The following ME1 variants were observed in gnomAD, a reference collection of about 807,000 sequenced individuals.
ME1 encodes the protein malic enzyme 1.
A neutral mutation model predicts 66.4 loss-of-function variants in ME1; 74 were observed. The observed-to-expected ratio is 1.11, with a 90% CI of 0.92 to 1.35. ME1 has a LOEUF of 1.35. ME1 is among the 40% of genes most tolerant of loss of function. The pLI is 0.00. For synonymous variants in ME1, 251 were observed against 235.6 expected (o/e 1.07, Z -0.60); for missense variants, 750 against 694.1 (o/e 1.08, Z -0.90).
chr6:83,237,294 A>AG (rs1790428682), intron 9 of ME1, among the ~76,000 whole-genome samples: 1 of 104,214 alleles, frequency 9.6e-6, no homozygotes. Flanking sequence ...GAAGGAAGGA[A>AG]AGAAAGAAAA....
At chr6:83,398,775 G>A (rs902503902) in intron 2 of ME1, among the ~76,000 whole-genome samples, 1 of 152,004 alleles carries the variant, frequency 6.6e-6, no homozygotes, top group African/African-American at 2.4e-5. Flanking sequence ...TTCAAGACCA[G>A]CCTGGCCAAC....
chr6:83,418,430 T>G (rs1002712009), intron 1 of ME1, among the ~76,000 whole-genome samples: 12 of 152,082 alleles, frequency 7.9e-5, no homozygotes, highest in Non-Finnish European at 2.9e-5. Flanking sequence ...TTCAGGACAG[T>G]CAGGCAGGAG....
At chr6:83,269,801 G>A (rs145843177) in intron 6 of ME1, among the ~76,000 whole-genome samples, 1,579 of 152,204 alleles carry the variant, frequency 0.01, 27 homozygotes, top group African/African-American at 0.035. Flanking sequence ...ATTACAATGA[G>A]ATTCTAGTGC....
chr6:83,230,622 T>C (rs1447106770), intron 9 of ME1, among the ~76,000 whole-genome samples: 1 of 152,170 alleles, frequency 6.6e-6, no homozygotes, highest in African/African-American at 2.4e-5. Flanking sequence ...AGTTTTGGTA[T>C]ATTTTCTCCT....
chr6:83,341,651 T>C (rs1188669201), intron 5 of ME1, among the ~76,000 whole-genome samples: 1 of 152,142 alleles, frequency 6.6e-6, no homozygotes, highest in Non-Finnish European at 1.5e-5. Flanking sequence ...TATAAGAAGA[T>C]AACAGTAATA....
intron 6 of ME1, among the ~76,000 whole-genome samples, chr6:83,299,464 T>C (rs1457138746): frequency 6.6e-6 from 1 of 152,202 alleles, no homozygotes; most frequent in Non-Finnish European, 1.5e-5. Context: ...TCCTAAGACT[T>C]TGCTGAAGTT....
At chr6:83,360,494 T>C (rs564171391) in intron 3 of ME1, among the ~76,000 whole-genome samples, 3 of 152,140 alleles carry the variant, frequency 2.0e-5, no homozygotes, top group Admixed American at 2.0e-4. Flanking sequence ...CATTTCCCCA[T>C]TGCCAGAAAT....
chr6:83,352,006 G>T, intron 4 of ME1, 58 bp downstream of exon 4: 1 of 1,069,086 alleles, frequency 9.4e-7, no homozygotes, highest in Non-Finnish European at 1.4e-6. Context: ...ATTTTAAACT[G>T]TTTTATGGGA....
chr6:83,239,773 G>A (rs1441286100), intron 7 of ME1, 137 bp from the exon 8 acceptor site: 1 of 596,816 alleles, frequency 1.7e-6, no homozygotes, highest in Admixed American at 2.8e-5. Flanking sequence ...CTTATCCCAT[G>A]CTTGCATACG....
intron 6 of ME1, among the ~76,000 whole-genome samples, chr6:83,260,520 G>C (rs774759715): frequency 2.0e-5 from 3 of 152,082 alleles, no homozygotes; most frequent in Non-Finnish European, 2.9e-5. Context: ...TTATCACCTA[G>C]ATGCTAAGCC....
chr6:83,226,068 C>T (rs1030933059), intron 11 of ME1, among the ~76,000 whole-genome samples: 4 of 151,988 alleles, frequency 2.6e-5, no homozygotes, highest in African/African-American at 9.7e-5. Context: ...CCTGTGCCTA[C>T]AGTAGCAGAA....
At chr6:83,365,916 A>G (rs1769093515) in intron 3 of ME1, among the ~76,000 whole-genome samples, 1 of 151,946 alleles carries the variant, frequency 6.6e-6, no homozygotes, top group Admixed American at 6.6e-5. Flanking sequence ...GTCTCTGGCT[A>G]CTCCTCAGTC....
Position 83,352,054 on chromosome 6 carries a change from G to T in ME1, c.438+10C>A. The stretch of plus-strand genomic sequence containing the variant: ...AAAATTTGCTATAGTGGAAAAACAT[G>T]ATAACTTACCTTGATGACATCTTCT... On this transcript the variant is annotated intron_variant, in intron 4 of 13. Coordinates refer to ENST00000369705, the MANE Select transcript of ME1 (RefSeq NM_002395.6). The T allele has an allele frequency of 6.4e-7, 1 of 1,554,712 alleles. No individual in the cohort carries two copies. Among genetic ancestry groups the T allele is most frequent in the Non-Finnish European group, 8.7e-7 (1 of 1,146,644 alleles).
intron 6 of ME1, among the ~76,000 whole-genome samples, chr6:83,276,701 A>C (rs545710471): frequency 1.3e-5 from 2 of 152,238 alleles, no homozygotes; most frequent in Non-Finnish European, 2.9e-5. Flanking sequence ...ACTAAAAAAA[A>C]ATTAGTTTTA....
At chr6:83,387,685 A>G (rs937376795) in intron 3 of ME1, among the ~76,000 whole-genome samples, 1 of 152,198 alleles carries the variant, frequency 6.6e-6, no homozygotes, top group Non-Finnish European at 1.5e-5. Context: ...GGAAATAAGT[A>G]TAAAAATGCA....
chr6:83,347,456 A>G (rs1768710433), intron 4 of ME1, among the ~76,000 whole-genome samples: 1 of 152,190 alleles, frequency 6.6e-6, no homozygotes, highest in South Asian at 2.1e-4. Flanking sequence ...TATTCAGAGA[A>G]ACGTGGGAAT....
rs571973561 is a variant in ME1, at chr6:83,236,511, T to C, written c.1026+1206A>G. On this transcript the variant is annotated intron_variant, in intron 9 of 13. Coordinates refer to ENST00000369705, the MANE Select transcript of ME1 (RefSeq NM_002395.6). ...TCTTCACATAGGAAGGGGATTTATA[T>C]GTACTTTTTTCTAGCAGTTTAAAGA... Among the ~76,000 whole-genome samples, 5 of 152,362 alleles carry C rather than the reference T, an allele frequency of 3.3e-5. No homozygotes were observed. In the East Asian group the frequency reaches 9.6e-4, roughly 29 times the overall value.
At position 83,216,590 on chromosome 6, in the gene ME1, C is replaced by CTAT. The variant is rs1789999708; in HGVS notation, c.1453_1455dup (p.Ile485dup). The CTAT allele has an allele frequency of 6.3e-7, 1 of 1,593,984 alleles. No individual in the cohort carries two copies. Among genetic ancestry groups the CTAT allele is most frequent in the African/African-American group, 1.4e-5 (1 of 73,556 alleles). ...AAGTGTTTATCTGACACTTGCTGAG[C>CTAT]TATAACCTTATGAAAAAAAGAAAGA... is the stretch of plus-strand genomic sequence containing the variant. On this transcript the variant is annotated inframe_insertion, in exon 13 of 14. Coordinates refer to ENST00000369705, the MANE Select transcript of ME1 (RefSeq NM_002395.6).
chr6:83,388,487 T>C (rs1300388889), intron 3 of ME1, among the ~76,000 whole-genome samples: 1 of 152,196 alleles, frequency 6.6e-6, no homozygotes, highest in African/African-American at 2.4e-5. Flanking sequence ...GTTAAAATTA[T>C]ACCAGTAACA....
Sources: allele counts gnomAD v4.1 joint callset (sites outside exome capture counted in the v4.1 genomes callset), GRCh38; gene constraint gnomAD v4.1.1; transcripts MANE v1.5; gene names NCBI Gene and HGNC (gene_info 2026-07-23, HGNC 2026-07-21).